ANKFN1: variants seen among roughly 807,000 people sequenced by gnomAD.
ANKFN1 encodes ankyrin repeat and fibronectin type III domain containing 1.
Under a neutral mutation model 108.7 loss-of-function variants are expected in ANKFN1, and 74 were observed. The observed-to-expected ratio is 0.68, with a 90% CI of 0.56 to 0.83. The LOEUF (loss-of-function observed/expected upper bound fraction) is 0.83, where lower values mean the gene tolerates loss of function less well. ANKFN1 is among the 40% of genes least tolerant of loss of function. The pLI is 0.00. For missense variants in ANKFN1, 1,505 were observed against 1,382.3 expected (o/e 1.09, Z -1.41); for synonymous variants, 547 against 516.2 (o/e 1.06, Z -0.81).
intron 8 of ANKFN1, among the ~76,000 whole-genome samples, chr17:56,408,583 G>A (rs995998886): frequency 3.3e-5 from 5 of 152,102 alleles, no homozygotes; most frequent in Admixed American, 6.5e-5. Flanking sequence ...CACATATATT[G>A]CAGAAAAAGA....
chr17:56,213,341 G>A (rs1915172834), intron 2 of ANKFN1, among the ~76,000 whole-genome samples: 1 of 152,170 alleles, frequency 6.6e-6, no homozygotes, highest in South Asian at 2.1e-4. Context: ...ACGAGCGGTG[G>A]CTGTAACCAA....
Position 56,146,077 on chromosome 17 carries a change from C to G in ANKFN1, c.289-81840C>G, listed in dbSNP as rs180778723. Reference sequence around the variant, plus strand: ...GGCCAAAACTAAGGGGCTACAGGCCCCATGCAAGTCCAAAATCCAGTGGGG... The same window carrying G: ...GGCCAAAACTAAGGGGCTACAGGCCGCATGCAAGTCCAAAATCCAGTGGGG... On this transcript the variant is annotated intron_variant, in intron 4 of 12. Transcript: ENST00000635860. Among the ~76,000 whole-genome samples, 149 of 152,322 alleles carry G rather than the reference C, an allele frequency of 9.8e-4. 2 individuals carry two copies. Among genetic ancestry groups the G allele is most frequent in the African/African-American group, 3.3e-3 (136 of 41,572 alleles).
intron 4 of ANKFN1, among the ~76,000 whole-genome samples, chr17:56,144,789 G>C (rs547641625): frequency 6.6e-6 from 1 of 152,204 alleles, no homozygotes; most frequent in Non-Finnish European, 1.5e-5. Flanking sequence ...GAGCATTGGA[G>C]CAGATGTCTG....
intron 4 of ANKFN1, among the ~76,000 whole-genome samples, chr17:56,091,819 G>A (rs1294048252): frequency 1.3e-5 from 2 of 151,404 alleles, no homozygotes; most frequent in African/African-American, 2.4e-5. Flanking sequence ...TGCTGCAGAG[G>A]TAAATGTATT....
At chr17:56,255,035 G>A (rs886519718) in intron 3 of ANKFN1, among the ~76,000 whole-genome samples, 14 of 152,172 alleles carry the variant, frequency 9.2e-5, no homozygotes, top group African/African-American at 1.2e-4. Flanking sequence ...GAGAAAGAGT[G>A]AGCAATGAGA....
chr17:56,053,728 G>T (rs1015976177), intron 4 of ANKFN1, among the ~76,000 whole-genome samples: 4 of 152,046 alleles, frequency 2.6e-5, no homozygotes, highest in Admixed American at 2.6e-4. Flanking sequence ...AGGAAACTCC[G>T]AACTGTTCTT....
At chr17:56,101,936 C>T (rs776563229) in intron 4 of ANKFN1, among the ~76,000 whole-genome samples, 3 of 152,170 alleles carry the variant, frequency 2.0e-5, no homozygotes, top group Admixed American at 6.5e-5. Context: ...TGCTCCCTCA[C>T]AGTAATGTTT....
At chr17:56,127,441 G>A (rs150362930) in intron 4 of ANKFN1, among the ~76,000 whole-genome samples, 152 of 152,296 alleles carry the variant, frequency 1.0e-3, no homozygotes, top group African/African-American at 3.0e-3. Context: ...AGCCTACTGA[G>A]TAGCTGGGAT....
chr17:56,248,805 A>G lies in ANKFN1; in HGVS notation c.53+20848A>G, dbSNP rs185824051. Among the ~76,000 whole-genome samples the G allele has an allele frequency of 7.2e-5, 11 of 152,308 alleles. No homozygotes were observed. In the East Asian group the frequency reaches 2.1e-3, roughly 29 times the overall value. On this transcript the variant is annotated intron_variant, in intron 3 of 20. Coordinates refer to ENST00000682825, the MANE Select transcript of ANKFN1 (RefSeq NM_001370326.1). ...TTTCCCCAGAAGCAGATCCTAGGGG[A>G]AGGATGAAAGTACATGTGGTTTATT...
intron 4 of ANKFN1, among the ~76,000 whole-genome samples, chr17:56,350,177 G>T (rs752544091): frequency 1.3e-5 from 2 of 152,114 alleles, no homozygotes; most frequent in African/African-American, 2.4e-5. Flanking sequence ...ATGGACCTAT[G>T]GGTACAAATT....
chr17:56,475,815 T>C (rs535655040), intron 15 of ANKFN1, among the ~76,000 whole-genome samples: 4 of 152,322 alleles, frequency 2.6e-5, no homozygotes, highest in African/African-American at 9.6e-5. Flanking sequence ...AACCAGGATA[T>C]GCTCCTACTT....
intron 1 of ANKFN1, among the ~76,000 whole-genome samples, chr17:56,182,154 A>C (rs903088133): frequency 6.6e-6 from 1 of 152,150 alleles, no homozygotes; most frequent in African/African-American, 2.4e-5. Context: ...AGAATAGGCC[A>C]ATTAATAACC....
At chr17:56,305,596 T>G (rs534539391) in intron 3 of ANKFN1, among the ~76,000 whole-genome samples, 45 of 152,306 alleles carry the variant, frequency 3.0e-4, no homozygotes, top group African/African-American at 1.1e-3. Flanking sequence ...CTCTGTAGCT[T>G]GTCTTTTTAG....
intron 1 of ANKFN1, among the ~76,000 whole-genome samples, chr17:56,175,029 G>C (rs1202058120): frequency 6.6e-6 from 1 of 152,036 alleles, no homozygotes; most frequent in East Asian, 1.9e-4. Context: ...CCCACCTTTT[G>C]AAATGAAGAG....
At chr17:56,386,825 C>G (rs1023215294) in intron 8 of ANKFN1, among the ~76,000 whole-genome samples, 1 of 151,702 alleles carries the variant, frequency 6.6e-6, no homozygotes, top group African/African-American at 2.4e-5. Context: ...TATCCTTTAT[C>G]GGATTTAAGA....
intron 3 of ANKFN1, among the ~76,000 whole-genome samples, chr17:56,275,762 A>G (rs1376071385): frequency 6.6e-6 from 1 of 152,134 alleles, no homozygotes; most frequent in Non-Finnish European, 1.5e-5. Context: ...TGCAGGAGAA[A>G]CTGTTGAAAT....
At chr17:56,492,502 C>T in intron 19 of ANKFN1, 149 bp downstream of exon 19, 1 of 543,614 alleles carries the variant, frequency 1.8e-6, no homozygotes, top group Non-Finnish European at 3.3e-6. Context: ...AAATGTGGAG[C>T]TCAGGCAGAT....
chr17:56,072,679 C>CT (rs1376620664), intron 4 of ANKFN1, among the ~76,000 whole-genome samples: 1 of 152,208 alleles, frequency 6.6e-6, no homozygotes, highest in African/African-American at 2.4e-5. Context: ...CGGTAACTCA[C>CT]TTTGAGTGTT....
chr17:56,341,359 G>A (rs192218056), intron 4 of ANKFN1, among the ~76,000 whole-genome samples: 5 of 152,230 alleles, frequency 3.3e-5, no homozygotes, highest in African/African-American at 7.2e-5. Flanking sequence ...GGAGTAGTGG[G>A]AGAGGACATC....
Sources: allele counts gnomAD v4.1 joint callset (sites outside exome capture counted in the v4.1 genomes callset), GRCh38; gene constraint gnomAD v4.1.1; transcripts MANE v1.5; gene names NCBI Gene and HGNC (gene_info 2026-07-23, HGNC 2026-07-21).